ZNF385D: variants seen among roughly 807,000 people sequenced by gnomAD.
ZNF385D encodes zinc finger protein 385D, also known as zinc finger protein 659.
ZNF385D carries 15 observed loss-of-function variants against 35.8 expected under a neutral mutation model. The observed-to-expected ratio is 0.42, with a 90% CI of 0.28 to 0.64. The LOEUF (loss-of-function observed/expected upper bound fraction) is 0.64. Ranked by LOEUF, ZNF385D falls within the 30% of genes least tolerant of loss-of-function variation. The probability of loss-of-function intolerance (pLI) is 0.23; values close to 1 mark genes in which losing one functional copy is unlikely to be tolerated. For synonymous variants in ZNF385D, 212 were observed against 186.8 expected (o/e 1.13, Z -1.10); for missense variants, 474 against 494.6 (o/e 0.96, Z 0.39).
intron 3 of ZNF385D, among the ~76,000 whole-genome samples, chr3:22,022,943 G>C (rs1054974671): frequency 6.6e-6 from 1 of 152,106 alleles, no homozygotes; most frequent in Non-Finnish European, 1.5e-5. Context: ...GATCAGGGAA[G>C]AGGCAAAGTC....
intron 3 of ZNF385D, among the ~76,000 whole-genome samples, chr3:22,096,364 GA>G (rs77630732): frequency 0.11 from 16,070 of 151,536 alleles, 1,038 homozygotes; most frequent in Admixed American, 0.19. Flanking sequence ...TTTTTTAAAA[GA>G]AAAAAACTGT....
chr3:21,484,371 G>T (rs1704867263), intron 4 of ZNF385D, among the ~76,000 whole-genome samples: 1 of 152,150 alleles, frequency 6.6e-6, no homozygotes, highest in South Asian at 2.1e-4. Flanking sequence ...ACTAGTCTGT[G>T]GGCATTTCTG....
chr3:21,925,384 G>C (rs1216853336), intron 3 of ZNF385D, among the ~76,000 whole-genome samples: 2 of 152,044 alleles, frequency 1.3e-5, no homozygotes, highest in East Asian at 3.9e-4. Context: ...ATTCATTGAA[G>C]AACAACTGCT....
At chr3:21,645,642 A>C (rs2065727383) in intron 2 of ZNF385D, among the ~76,000 whole-genome samples, 1 of 152,138 alleles carries the variant, frequency 6.6e-6, no homozygotes, top group Admixed American at 6.6e-5. Flanking sequence ...TGGAAAAGCT[A>C]AAGTTCCCTG....
chr3:22,003,165 TA>T (rs1334817247), intron 3 of ZNF385D, among the ~76,000 whole-genome samples: 1 of 152,142 alleles, frequency 6.6e-6, no homozygotes, highest in African/African-American at 2.4e-5. Flanking sequence ...TATTACATAT[TA>T]AAAACAAAAC....
At chr3:21,735,241 G>T (rs537812629) in intron 1 of ZNF385D, among the ~76,000 whole-genome samples, 275 of 152,198 alleles carry the variant, frequency 1.8e-3, no homozygotes, top group South Asian at 3.3e-3. Context: ...AAATGAAAAG[G>T]ATAATACTCA....
chr3:21,721,019 T>C (rs966202139), intron 1 of ZNF385D, among the ~76,000 whole-genome samples: 1 of 152,200 alleles, frequency 6.6e-6, no homozygotes, highest in Non-Finnish European at 1.5e-5. Context: ...TTCTATTTAA[T>C]TTTTAAAAAA....
chr3:21,692,537 C>G (rs2067315971), intron 1 of ZNF385D, among the ~76,000 whole-genome samples: 1 of 152,208 alleles, frequency 6.6e-6, no homozygotes, highest in African/African-American at 2.4e-5. Context: ...CTAAGTGCTT[C>G]TCAACCCTCC....
intron 3 of ZNF385D, among the ~76,000 whole-genome samples, chr3:21,801,158 A>G (rs945539943): frequency 3.9e-5 from 6 of 152,060 alleles, no homozygotes; most frequent in African/African-American, 1.4e-4. Flanking sequence ...TCACTCTTAC[A>G]TTTCTGGAAT....
At position 21,878,414 on chromosome 3, in the gene ZNF385D, G is replaced by C. The variant is rs551004246; in HGVS notation, c.326-213386C>G. 5.9e-4 allele frequency among the ~76,000 whole-genome samples: 90 copies of C among 152,152 alleles called. 1 individual carries two copies. Among genetic ancestry groups the C allele is most frequent in the Middle Eastern group, 6.8e-3 (2 of 294 alleles). Reference sequence around the variant, plus strand: ...TATCAGTTTCATGAGTGCTACAGCAGTATGAAGGCATTAATATGCGTAAAA... The same window carrying C: ...TATCAGTTTCATGAGTGCTACAGCACTATGAAGGCATTAATATGCGTAAAA... On this transcript the variant is annotated intron_variant, in intron 3 of 5. Transcript: ENST00000494108.
At chr3:22,057,806 G>C (rs907369428) in intron 3 of ZNF385D, among the ~76,000 whole-genome samples, 1 of 152,124 alleles carries the variant, frequency 6.6e-6, no homozygotes, top group Non-Finnish European at 1.5e-5. Flanking sequence ...GAGCCACTGT[G>C]CCCGGCCTCA....
intron 3 of ZNF385D, among the ~76,000 whole-genome samples, chr3:22,072,923 A>T (rs1469481367): frequency 6.6e-6 from 1 of 151,948 alleles, no homozygotes; most frequent in African/African-American, 2.4e-5. Flanking sequence ...GGGCCAAGAG[A>T]AAAGCATTTG....
intron 1 of ZNF385D, among the ~76,000 whole-genome samples, chr3:21,748,180 T>G (rs898664405): frequency 6.6e-6 from 1 of 152,086 alleles, no homozygotes; most frequent in Non-Finnish European, 1.5e-5. Flanking sequence ...GAGATAAGAG[T>G]GAGGCTTAAG....
intron 1 of ZNF385D, among the ~76,000 whole-genome samples, chr3:21,724,237 C>A (rs1028267360): frequency 6.6e-6 from 1 of 151,896 alleles, no homozygotes; most frequent in Non-Finnish European, 1.5e-5. Context: ...GAAGGAACTG[C>A]ATCAACTAAT....
At chr3:21,520,956 A>C (rs1432159987) in intron 3 of ZNF385D, among the ~76,000 whole-genome samples, 2 of 152,300 alleles carry the variant, frequency 1.3e-5, no homozygotes, top group South Asian at 4.1e-4. Flanking sequence ...TAGTCACATA[A>C]CACATACTCT....
chr3:21,600,509 AG>A (rs1448061901), intron 2 of ZNF385D, among the ~76,000 whole-genome samples: 4 of 152,260 alleles, frequency 2.6e-5, no homozygotes, highest in African/African-American at 9.6e-5. Context: ...AATTAAAACA[AG>A]AAAAAAACAG....
At chr3:21,799,809 T>C (rs115216457) in intron 3 of ZNF385D, among the ~76,000 whole-genome samples, 2,898 of 152,276 alleles carry the variant, frequency 0.019, 90 homozygotes, top group African/African-American at 0.065. Context: ...TGAAACGATA[T>C]GTAAAAATTC....
At chr3:21,693,505 C>T (rs1243424910) in intron 1 of ZNF385D, among the ~76,000 whole-genome samples, 1 of 152,192 alleles carries the variant, frequency 6.6e-6, no homozygotes, top group Non-Finnish European at 1.5e-5. Flanking sequence ...ACAATCAGAA[C>T]ACCAAAGCTT....
chr3:22,264,687 C>A (rs1311903212), intron 2 of ZNF385D, among the ~76,000 whole-genome samples: 1 of 151,888 alleles, frequency 6.6e-6, no homozygotes, highest in Non-Finnish European at 1.5e-5. Flanking sequence ...AGAAAGACAC[C>A]TATTGGTGCA....
Sources: allele counts gnomAD v4.1 joint callset (sites outside exome capture counted in the v4.1 genomes callset), GRCh38; gene constraint gnomAD v4.1.1; transcripts MANE v1.5; gene names NCBI Gene and HGNC (gene_info 2026-07-23, HGNC 2026-07-21).